The following TMCC3 variants were observed in gnomAD, a reference collection of about 807,000 sequenced individuals.
The protein encoded by TMCC3 is transmembrane and coiled-coil domain protein 3.
TMCC3 carries 28 observed loss-of-function variants against 40.2 expected under a neutral mutation model. The ratio of observed to expected loss-of-function variants is 0.70; its 90% CI spans 0.52 to 0.95. The LOEUF (loss-of-function observed/expected upper bound fraction) is 0.95, where lower values mean the gene tolerates loss of function less well. Ranked by LOEUF, TMCC3 falls within the 40% of genes least tolerant of loss-of-function variation. The pLI, the probability that TMCC3 is intolerant of heterozygous loss-of-function variation, is 0.00. For synonymous variants in TMCC3, 255 were observed against 248.5 expected, an observed-to-expected ratio of 1.03 and a Z score of -0.25; for missense variants, 554 against 615.2, an observed-to-expected ratio of 0.90 and a Z score of 1.05.
At chr12:94,614,653 A>C (rs1009853557) in intron 1 of TMCC3, among the ~76,000 whole-genome samples, 1 of 152,148 alleles carries the variant, frequency 6.6e-6, no homozygotes, top group African/African-American at 2.4e-5. Flanking sequence ...AACTGTGTGC[A>C]TCAAGCTCTG....
chr12:94,632,152 G>A (rs573455526), intron 1 of TMCC3, among the ~76,000 whole-genome samples: 1 of 152,356 alleles, frequency 6.6e-6, no homozygotes, highest in South Asian at 2.1e-4. Context: ...TAAGCAGAGA[G>A]AAGGCTGACT....
At chr12:94,646,876 A>G (rs116949651) in intron 1 of TMCC3, among the ~76,000 whole-genome samples, 1 of 152,132 alleles carries the variant, frequency 6.6e-6, no homozygotes, top group Non-Finnish European at 1.5e-5. Flanking sequence ...CCCAGTGGTC[A>G]CCCAGTTAAG....
chr12:94,590,285 T>TTTTTTTTTTTTTTG (rs1246281454), intron 1 of TMCC3, among the ~76,000 whole-genome samples: 1 of 145,636 alleles, frequency 6.9e-6, no homozygotes, highest in African/African-American at 2.5e-5. Context: ...TTTTTTTTTT[T>TTTTTTTTTTTTTTG]AGAAGAGATG....
chr12:94,588,528 G>A (rs1298526399), intron 1 of TMCC3, among the ~76,000 whole-genome samples: 1 of 152,196 alleles, frequency 6.6e-6, no homozygotes. Flanking sequence ...TACAAGAAAA[G>A]GGTCAGATCC....
intron 3 of TMCC3, among the ~76,000 whole-genome samples, chr12:94,576,676 T>C (rs2068567069): frequency 6.6e-6 from 1 of 151,622 alleles, no homozygotes; most frequent in Admixed American, 6.6e-5. Context: ...GATAGAGGGG[T>C]CTCACTATGT....
intron 1 of TMCC3, among the ~76,000 whole-genome samples, chr12:94,601,934 A>T (rs1249797478): frequency 6.6e-6 from 1 of 152,104 alleles, no homozygotes; most frequent in Non-Finnish European, 1.5e-5. Context: ...AAATTGTTGA[A>T]TCTGGGTAAG....
chr12:94,614,534 C>A (rs2068836970), intron 1 of TMCC3, among the ~76,000 whole-genome samples: 4 of 152,162 alleles, frequency 2.6e-5, no homozygotes, highest in Non-Finnish European at 5.9e-5. Context: ...CCAGGACAAG[C>A]CCTGTTCCCA....
rs141428407 is a variant in TMCC3 at position 94,611,836 on chromosome 12, C to G, written c.79-29298G>C. 4.1e-3 allele frequency among the ~76,000 whole-genome samples: 620 copies of G among 151,994 alleles called. 4 individuals carry two copies. The highest frequency in any genetic ancestry group is 0.014 in the African/African-American group (580 of 41,496). Reference sequence around the variant, plus strand: ...TTTTCTTCCTAAATATTTTTGACCCCTGGTTGGTTGAATCCATGAATGTGA... The same window carrying G: ...TTTTCTTCCTAAATATTTTTGACCCGTGGTTGGTTGAATCCATGAATGTGA... On this transcript the variant is annotated intron_variant, in intron 1 of 3. Coordinates refer to ENST00000261226, the MANE Select transcript of TMCC3 (RefSeq NM_020698.4).
intron 1 of TMCC3, chr12:94,613,973 T>C (rs1294527794): frequency 6.6e-6 from 1 of 151,614 alleles, no homozygotes; most frequent in Non-Finnish European, 1.5e-5. Context: ...TGGGTGCCTG[T>C]GGTCCCAGCT....
At chr12:94,623,632 C>G (rs908800203) in intron 1 of TMCC3, among the ~76,000 whole-genome samples, 1 of 152,232 alleles carries the variant, frequency 6.6e-6, no homozygotes, top group East Asian at 1.9e-4. Flanking sequence ...TGGCTACACC[C>G]ACGTACAACT....
intron 1 of TMCC3, among the ~76,000 whole-genome samples, chr12:94,626,333 A>T (rs2068903985): frequency 6.6e-6 from 1 of 152,206 alleles, no homozygotes; most frequent in African/African-American, 2.4e-5. Flanking sequence ...ACCTAAGTAA[A>T]AACACCAATT....
intron 1 of TMCC3, among the ~76,000 whole-genome samples, chr12:94,610,773 A>G (rs1462294616): frequency 1.3e-5 from 2 of 152,232 alleles, no homozygotes; most frequent in Non-Finnish European, 2.9e-5. Flanking sequence ...CCTACTGTGC[A>G]CGCTCATCTG....
chr12:94,606,689 T>C (rs921617259), intron 1 of TMCC3, among the ~76,000 whole-genome samples: 3 of 152,080 alleles, frequency 2.0e-5, no homozygotes, highest in Non-Finnish European at 4.4e-5. Context: ...TGACATCACA[T>C]ATTGGTAGGA....
At chr12:94,595,453 T>G (rs2068710060) in intron 1 of TMCC3, among the ~76,000 whole-genome samples, 1 of 152,210 alleles carries the variant, frequency 6.6e-6, no homozygotes, top group Non-Finnish European at 1.5e-5. Flanking sequence ...AGTTGCTATG[T>G]AAGACTGAGC....
chr12:94,610,360 G>T (rs2068808131), intron 1 of TMCC3, among the ~76,000 whole-genome samples: 1 of 151,690 alleles, frequency 6.6e-6, no homozygotes, highest in South Asian at 2.1e-4. Flanking sequence ...AAGGAAAGAA[G>T]GGCTAGGAAG....
At chr12:94,617,129 C>T (rs2068852192) in intron 1 of TMCC3, among the ~76,000 whole-genome samples, 1 of 152,158 alleles carries the variant, frequency 6.6e-6, no homozygotes, top group Non-Finnish European at 1.5e-5. Context: ...TGTTTCATTC[C>T]TTCTGGTAGC....
intron 1 of TMCC3, among the ~76,000 whole-genome samples, chr12:94,622,588 A>T (rs2068881419): frequency 6.6e-6 from 1 of 152,208 alleles, no homozygotes; most frequent in Non-Finnish European, 1.5e-5. Flanking sequence ...ATGGAGACTG[A>T]TGTCGACTCA....
intron 1 of TMCC3, among the ~76,000 whole-genome samples, chr12:94,602,405 C>T (rs768073905): frequency 1.3e-5 from 2 of 152,312 alleles, no homozygotes; most frequent in African/African-American, 4.8e-5. Context: ...TAAGACAGTG[C>T]GCTAAAGCTG....
chr12:94,616,224 T>C (rs567159850), intron 1 of TMCC3: 236 of 448,490 alleles, frequency 5.3e-4, no homozygotes, highest in Non-Finnish European at 6.6e-4. Flanking sequence ...CCACATTCTA[T>C]ATCTTTGCAG....
Sources: allele counts gnomAD v4.1 joint callset (sites outside exome capture counted in the v4.1 genomes callset), GRCh38; gene constraint gnomAD v4.1.1; transcripts MANE v1.5; gene names NCBI Gene and HGNC (gene_info 2026-07-23, HGNC 2026-07-21).